The following RNF111 variants were observed in gnomAD, a reference collection of about 807,000 sequenced individuals.
The protein encoded by RNF111 is ring finger protein 111.
A neutral mutation model predicts 95.1 loss-of-function variants in RNF111; 17 were observed. That is an observed-to-expected ratio of 0.18 (90% confidence interval 0.12 to 0.27). The LOEUF is 0.27. RNF111 is among the 10% of genes least tolerant of loss of function. The pLI is 1.00. For synonymous variants in RNF111, 440 were observed against 414.8 expected (o/e 1.06, Z -0.74); for missense variants, 1,189 against 1,210.4 (o/e 0.98, Z 0.26).
intron 1 of RNF111, among the ~76,000 whole-genome samples, chr15:59,028,491 A>AT (rs2040737075): frequency 6.6e-6 from 1 of 152,232 alleles, no homozygotes; most frequent in Non-Finnish European, 1.5e-5. Flanking sequence ...ACATACTGTG[A>AT]TAAAACTTAT....
rs998038518 is a variant in RNF111, at chr15:58,995,673, G to A, written c.-20+7605G>A. On this transcript the variant is annotated intron_variant, in intron 1 of 13. Transcript: ENST00000348370. ...GGGTTTCACCATCTTGGACAGGCTG[G>A]TCTTGAACTCCTGACCTTGTGACCT... is the stretch of plus-strand genomic sequence containing the variant. Among the ~76,000 whole-genome samples, 4 of 151,132 alleles carry A rather than the reference G, an allele frequency of 2.6e-5. No individual in the cohort carries two copies. The South Asian group carries it at 8.4e-4, about 32-fold the overall frequency.
At chr15:59,038,315 G>A (rs1381528526) in intron 2 of RNF111, among the ~76,000 whole-genome samples, 8 of 152,052 alleles carry the variant, frequency 5.3e-5, no homozygotes, top group African/African-American at 1.9e-4. Context: ...TTATCTAATA[G>A]CTGTATATAT....
At chr15:59,073,054 C>T (rs1274762017) in intron 6 of RNF111, among the ~76,000 whole-genome samples, 1 of 152,004 alleles carries the variant, frequency 6.6e-6, no homozygotes, top group African/African-American at 2.4e-5. Context: ...CGCCTGTGGT[C>T]CTAGCTACTT....
rs936383966 is a variant in RNF111, at chr15:59,040,571, G to A, written c.880+8869G>A. ...AAGTTGTTGTTTTATATTTGTATTT[G>A]TTCTTACACTGAAAACTCTGATTCT... is the stretch of plus-strand genomic sequence containing the variant. On this transcript the variant is annotated intron_variant, in intron 2 of 13. Transcript: ENST00000348370. Among the ~76,000 whole-genome samples the A allele has an allele frequency of 2.0e-5, 3 of 152,134 alleles. No homozygotes were observed. In the East Asian group the frequency reaches 5.8e-4, roughly 29 times the overall value.
chr15:59,036,300 C>T (rs1044462083), intron 2 of RNF111, among the ~76,000 whole-genome samples: 22 of 152,154 alleles, frequency 1.4e-4, no homozygotes, highest in African/African-American at 4.1e-4. Context: ...TCAAGAGATC[C>T]GCTGCCCACC....
rs750215908 is a variant in RNF111, at chr15:59,067,061, C to G, written c.1664C>G (p.Ser555Cys). The G allele has an allele frequency of 2.5e-6, 4 of 1,613,966 alleles. No homozygotes were observed. The South Asian group carries it at 4.4e-5, about 18-fold the overall frequency. ...VQAPCGANSS[S>C]GTSYHEQQAL... Reference sequence around the variant, plus strand: ...GCACCTTGTGGAGCAAATAGTAGTTCTGGTACCAGCTATCATGAACAGGTA... The same window carrying G: ...GCACCTTGTGGAGCAAATAGTAGTTGTGGTACCAGCTATCATGAACAGGTA... The change falls in exon 6 of 14, where the codon TCT becomes TGT. Residue 555 changes from serine to cysteine, a missense_variant. Around this residue, in one of 2 missense-constraint regions of RNF111, gnomAD observed 1,024 missense variants for 925.9 expected, o/e 1.11. Coordinates refer to ENST00000348370, the MANE Select transcript of RNF111 (RefSeq NM_017610.8).
At chr15:59,010,691 C>T (rs1294314089) in intron 1 of RNF111, among the ~76,000 whole-genome samples, 2 of 152,092 alleles carry the variant, frequency 1.3e-5, no homozygotes, top group African/African-American at 4.8e-5. Flanking sequence ...CATAAGCCAC[C>T]ACATCTGACC....
At chr15:59,026,767 G>A (rs567293385) in intron 1 of RNF111, among the ~76,000 whole-genome samples, 10 of 150,666 alleles carry the variant, frequency 6.6e-5, no homozygotes, top group Admixed American at 1.3e-4. Flanking sequence ...ATGGATTTTA[G>A]AAAAAAAAAT....
intron 2 of RNF111, among the ~76,000 whole-genome samples, chr15:59,040,422 C>T (rs1430091173): frequency 6.6e-6 from 1 of 152,108 alleles, no homozygotes; most frequent in Admixed American, 6.5e-5. Context: ...ATGTGAACCA[C>T]CATGCCTAGC....
rs1172622300 is a variant in RNF111 at position 59,066,976 on chromosome 15, C to G, written c.1579C>G (p.Pro527Ala). Residue 527 changes from proline to alanine, a missense_variant, in exon 6 of 14, where the codon CCA becomes GCA. By Grantham distance (27) the Pro-to-Ala change is conservative (BLOSUM62 -1). Around this residue, in one of 2 missense-constraint regions of RNF111, gnomAD observed 1,024 missense variants for 925.9 expected, o/e 1.11. Transcript: ENST00000348370. Reference protein sequence around the residue: ...HHHHTPHPAVPVSPSFSDPAC... With the variant: ...HHHHTPHPAVAVSPSFSDPAC... Reference sequence around the variant, plus strand: ...CCACCATACTCCCCACCCAGCTGTCCCAGTTTCTCCTTCCTTTAGTGATCC... The same window carrying G: ...CCACCATACTCCCCACCCAGCTGTCGCAGTTTCTCCTTCCTTTAGTGATCC... 2 of 1,613,986 alleles carry G rather than the reference C, an allele frequency of 1.2e-6. No individual in the cohort carries two copies. The highest frequency in any genetic ancestry group is 1.7e-5 in the Admixed American group (1 of 59,990).
At chr15:59,073,005 C>G (rs1210936619) in intron 6 of RNF111, among the ~76,000 whole-genome samples, 5 of 151,950 alleles carry the variant, frequency 3.3e-5, no homozygotes, top group African/African-American at 1.2e-4. Context: ...GACTCTGTCT[C>G]TACAAAAAAT....
Position 59,081,111 on chromosome 15 carries a change from A to C in RNF111, c.2124A>C (p.Pro708=), listed in dbSNP as rs1596298024. 6.2e-7 allele frequency: 1 copy of C among 1,613,932 alleles called. No homozygotes were observed. Among genetic ancestry groups the C allele is most frequent in the Non-Finnish European group, 8.5e-7 (1 of 1,179,994 alleles). ...CAACATCTCATCCTGTGGCACCCCC[A>C]CCACCAACTCACTTAGCCAGTACAG... ...SHATSHPVAP[P]PPTHLASTAA... is the part of the protein sequence containing the mutation. The change falls in exon 8 of 14, where the codon CCA becomes CCC. Residue 708 remains proline (P), a synonymous_variant. Transcript: ENST00000348370.
intron 1 of RNF111, among the ~76,000 whole-genome samples, chr15:59,017,753 CTT>C (rs200975904): frequency 2.5e-5 from 3 of 120,960 alleles, no homozygotes; most frequent in Non-Finnish European, 3.3e-5. Flanking sequence ...TTGTTGAACT[CTT>C]TTTTTTTTTT....
chr15:59,070,036 T>TC lies in RNF111; in HGVS notation c.1686+2953_1686+2954insC, dbSNP rs1265931198. Reference sequence around the variant, plus strand: ...ACCCCACCCCACCTCCTGCTTTTTTTTTTTTTTTTTTTTTTTTTTTTTTAG... The same window carrying TC: ...ACCCCACCCCACCTCCTGCTTTTTTTCTTTTTTTTTTTTTTTTTTTTTTTAG... On this transcript the variant is annotated intron_variant, in intron 6 of 13. Coordinates refer to ENST00000348370, the MANE Select transcript of RNF111 (RefSeq NM_017610.8). 3.1e-3 allele frequency among the ~76,000 whole-genome samples: 373 copies of TC among 120,490 alleles called. 4 individuals carry two copies. The highest frequency in any genetic ancestry group is 7.5e-3 in the East Asian group (31 of 4,138). The allele number at this position is 120,490 out of a possible 152,430, so 79.0% of individuals were successfully genotyped here.
chr15:59,032,811 G>C (rs1220244274), intron 2 of RNF111, among the ~76,000 whole-genome samples: 3 of 152,166 alleles, frequency 2.0e-5, no homozygotes, highest in Non-Finnish European at 4.4e-5. Flanking sequence ...CAGTGCATAT[G>C]ATACATCAAT....
chr15:59,058,579 T>C (rs759810930), intron 5 of RNF111, 29 bp downstream of exon 5: 1 of 1,581,386 alleles, frequency 6.3e-7, no homozygotes, highest in Non-Finnish European at 8.7e-7. Context: ...GAGGGGAGAC[T>C]TTTTGTCATT....
chr15:59,022,962 A>T, intron 1 of RNF111, among the ~76,000 whole-genome samples: 1 of 152,022 alleles, frequency 6.6e-6, no homozygotes, highest in East Asian at 1.9e-4. Flanking sequence ...AAGTGAGGAA[A>T]TTGGCTGGGC....
intron 2 of RNF111, 44 bp from the exon 3 acceptor site, chr15:59,052,261 C>A: frequency 6.8e-7 from 1 of 1,477,308 alleles, no homozygotes; most frequent in Non-Finnish European, 9.0e-7. Flanking sequence ...TAACGATTAG[C>A]TGACAGGAAG....
intron 2 of RNF111, among the ~76,000 whole-genome samples, chr15:59,042,586 G>C (rs1415893319): frequency 3.9e-5 from 6 of 152,126 alleles, no homozygotes; most frequent in African/African-American, 1.4e-4. Context: ...TTAGAGCATA[G>C]ATCCATTTGG....
Sources: gnomAD v4.1 joint callset for allele counts (sites outside exome capture counted in the v4.1 genomes callset) on GRCh38, gnomAD v4.1.1 for gene constraint, gnomAD v4.1.1 regional missense constraint, MANE v1.5 for transcripts, NCBI Gene and HGNC (gene_info 2026-07-23, HGNC 2026-07-21) for gene names.